ARMC9: variants seen among roughly 807,000 people sequenced by gnomAD.
ARMC9 encodes armadillo repeat containing 9, also known as lisH domain-containing protein ARMC9.
In ARMC9, 94 loss-of-function variants were observed where a neutral mutation model predicts 107.0. That is an observed-to-expected ratio of 0.88 (90% CI 0.74 to 1.04). The LOEUF (loss-of-function observed/expected upper bound fraction) is 1.04, where lower values mean the gene tolerates loss of function less well. ARMC9 is among the 50% of genes least tolerant of loss of function. ARMC9 has a pLI of 0.00. For missense variants in ARMC9, 942 were observed against 1,030.1 expected, an observed-to-expected ratio of 0.91 and a Z score of 1.17; for synonymous variants, 380 against 396.9, an observed-to-expected ratio of 0.96 and a Z score of 0.51.
intron 19 of ARMC9, among the ~76,000 whole-genome samples, chr2:231,328,804 C>CTTTTGTTTTTTTTTTTTTTTTT (rs1294809680): frequency 8.4e-6 from 1 of 118,658 alleles, no homozygotes. Flanking sequence ...GTTCAATTTT[C>CTTTTGTTTTTTTTTTTTTTTTT]TTTTCTTTTC....
intron 19 of ARMC9, among the ~76,000 whole-genome samples, chr2:231,325,167 T>C (rs943992783): frequency 2.0e-5 from 3 of 152,142 alleles, no homozygotes; most frequent in Admixed American, 2.0e-4. Flanking sequence ...GAGGCTGCAA[T>C]GGGGCCCTTG....
At chr2:231,321,353 G>C (rs541280267) in intron 19 of ARMC9, among the ~76,000 whole-genome samples, 2 of 152,292 alleles carry the variant, frequency 1.3e-5, no homozygotes, top group South Asian at 2.1e-4. Flanking sequence ...CAGAGAAGTA[G>C]AGCACCCTCA....
chr2:231,289,599 T>C (rs1371806484), intron 17 of ARMC9, among the ~76,000 whole-genome samples: 1 of 152,176 alleles, frequency 6.6e-6, no homozygotes, highest in African/African-American at 2.4e-5. Flanking sequence ...GTGAGATAGA[T>C]ATAAAATTCA....
chr2:231,277,913 A>T (rs1174639111), intron 15 of ARMC9, among the ~76,000 whole-genome samples: 3 of 152,192 alleles, frequency 2.0e-5, no homozygotes, highest in Non-Finnish European at 4.4e-5. Context: ...GCTTTTCTTC[A>T]TCATCATCAC....
chr2:231,266,738 G>C (rs2038888946), intron 12 of ARMC9, among the ~76,000 whole-genome samples: 2 of 152,090 alleles, frequency 1.3e-5, no homozygotes, highest in Admixed American at 6.6e-5. Context: ...ATTTCACTTA[G>C]CTAATGTCCT....
intron 18 of ARMC9, chr2:231,293,682 C>T (rs569531242): frequency 6.6e-6 from 1 of 152,332 alleles, no homozygotes; most frequent in South Asian, 2.1e-4. Context: ...TTCTGGAAGG[C>T]TTGGGAAATA....
intron 9 of ARMC9, among the ~76,000 whole-genome samples, chr2:231,250,528 G>T (rs975109695): frequency 6.6e-6 from 1 of 152,206 alleles, no homozygotes; most frequent in Non-Finnish European, 1.5e-5. Flanking sequence ...GAACGCAGGG[G>T]ATGCTGAGGA....
chr2:231,239,037 C>G (rs1296790177), intron 8 of ARMC9, among the ~76,000 whole-genome samples: 1 of 152,120 alleles, frequency 6.6e-6, no homozygotes, highest in Non-Finnish European at 1.5e-5. Context: ...GAAGTTCCCC[C>G]AGGTGGAATC....
intron 23 of ARMC9, among the ~76,000 whole-genome samples, chr2:231,363,588 GA>G (rs1270682711): frequency 2.0e-5 from 3 of 152,138 alleles, no homozygotes; most frequent in Non-Finnish European, 4.4e-5. Context: ...GGAGGCTAGA[GA>G]ATAAAAGTCT....
intron 19 of ARMC9, among the ~76,000 whole-genome samples, chr2:231,328,830 T>TTTTTTTTTTTTTTTTTTTG (rs1208039563): frequency 6.9e-6 from 1 of 144,764 alleles, no homozygotes; most frequent in African/African-American, 2.5e-5. Context: ...TTTTTTTTTT[T>TTTTTTTTTTTTTTTTTTTG]TTGAGTCGGA....
At chr2:231,217,718 G>A (rs1049435258) in intron 5 of ARMC9, among the ~76,000 whole-genome samples, 18 of 152,222 alleles carry the variant, frequency 1.2e-4, no homozygotes, top group Non-Finnish European at 2.2e-4. Flanking sequence ...TGTTTGTTTG[G>A]TTGGTTTTGT....
rs369746522 is a variant in ARMC9 at position 231,366,933 on chromosome 2, C to A, written c.2262-3020C>A. Reference sequence around the variant, plus strand: ...TGGCGCAATCTCGGCTCACTGCAACCTCTGCCTCCCGGGTTCACGCCATTC... The same window carrying A: ...TGGCGCAATCTCGGCTCACTGCAACATCTGCCTCCCGGGTTCACGCCATTC... On this transcript the variant is annotated intron_variant, in intron 23 of 24. Coordinates refer to ENST00000611582, the MANE Select transcript of ARMC9 (RefSeq NM_001352754.2). Among the ~76,000 whole-genome samples the A allele has an allele frequency of 3.3e-5, 5 of 151,118 alleles. No homozygotes were observed. The East Asian group carries it at 1.0e-3, about 31-fold the overall frequency.
intron 3 of ARMC9, among the ~76,000 whole-genome samples, chr2:231,213,734 C>T (rs56079423): frequency 0.022 from 3,288 of 152,164 alleles, 64 homozygotes; most frequent in Non-Finnish European, 0.033. Context: ...CTTGGCCTCC[C>T]GAAGTGCTGG....
chr2:231,237,757 A>ATATG (rs201040795), intron 8 of ARMC9, among the ~76,000 whole-genome samples: 676 of 25,616 alleles, frequency 0.026, 27 homozygotes, highest in East Asian at 0.12. Flanking sequence ...CTATATGTAT[A>ATATG]TATATATATA....
intron 1 of ARMC9, among the ~76,000 whole-genome samples, chr2:231,200,949 G>A (rs527352650): frequency 6.6e-6 from 1 of 152,112 alleles, no homozygotes; most frequent in African/African-American, 2.4e-5. Context: ...AGTCATGTTT[G>A]CCTGGGGGGG....
intron 9 of ARMC9, among the ~76,000 whole-genome samples, chr2:231,244,303 G>GA (rs2036562092): frequency 6.6e-6 from 1 of 150,994 alleles, no homozygotes; most frequent in Non-Finnish European, 1.5e-5. Flanking sequence ...AAGAGTAAAG[G>GA]AAAAAGGAGC....
intron 17 of ARMC9, among the ~76,000 whole-genome samples, chr2:231,287,893 A>G (rs2040715677): frequency 6.6e-6 from 1 of 152,242 alleles, no homozygotes; most frequent in Non-Finnish European, 1.5e-5. Flanking sequence ...AAGACAGGAA[A>G]CAATGACAAG....
At chr2:231,346,152 T>A (rs991375422) in intron 21 of ARMC9, among the ~76,000 whole-genome samples, 1 of 152,220 alleles carries the variant, frequency 6.6e-6, no homozygotes, top group African/African-American at 2.4e-5. Context: ...GTTACTGATG[T>A]ATAAACTAGT....
At chr2:231,283,829 C>T (rs2040394167) in intron 17 of ARMC9, among the ~76,000 whole-genome samples, 1 of 152,182 alleles carries the variant, frequency 6.6e-6, no homozygotes, top group African/African-American at 2.4e-5. Context: ...ATCTCCTAGG[C>T]TCAAGCCATC....
Sources: allele counts gnomAD v4.1 joint callset (sites outside exome capture counted in the v4.1 genomes callset), GRCh38; gene constraint gnomAD v4.1.1; transcripts MANE v1.5; gene names NCBI Gene and HGNC (gene_info 2026-07-23, HGNC 2026-07-21).